Variants in LRRTM4 observed in about 807,000 individuals in gnomAD.
LRRTM4 encodes the protein leucine rich repeat transmembrane neuronal 4, also known as leucine-rich repeat transmembrane neuronal protein 4.
In LRRTM4, 25 loss-of-function variants were observed where a neutral mutation model predicts 47.6. That is an observed-to-expected ratio of 0.53 (90% CI 0.38 to 0.73). LRRTM4 has a LOEUF of 0.73. Ranked by LOEUF, LRRTM4 falls within the 30% of genes least tolerant of loss-of-function variation. The probability of loss-of-function intolerance (pLI) is 0.00; values close to 1 mark genes in which losing one functional copy is unlikely to be tolerated. For synonymous variants in LRRTM4, 311 were observed against 269.5 expected (o/e 1.15, Z -1.51); for missense variants, 638 against 713.4 (o/e 0.89, Z 1.20).
At chr2:77,011,704 T>C (rs1351925882) in intron 3 of LRRTM4, among the ~76,000 whole-genome samples, 1 of 152,092 alleles carries the variant, frequency 6.6e-6, no homozygotes, top group Non-Finnish European at 1.5e-5. Flanking sequence ...GAGGCATTCA[T>C]CCATGTGGTT....
chr2:77,466,182 A>G (rs1017464996), intron 3 of LRRTM4, among the ~76,000 whole-genome samples: 3 of 152,218 alleles, frequency 2.0e-5, no homozygotes, highest in African/African-American at 7.2e-5. Context: ...AACAAAGCTT[A>G]TCAGAAAGGG....
At chr2:77,511,767 T>C (rs1226016554) in intron 3 of LRRTM4, among the ~76,000 whole-genome samples, 1 of 152,110 alleles carries the variant, frequency 6.6e-6, no homozygotes, top group African/African-American at 2.4e-5. Context: ...ATTTTATTAA[T>C]ATGTATCAGC....
At chr2:77,344,924 C>T (rs1040297172) in intron 3 of LRRTM4, among the ~76,000 whole-genome samples, 3 of 151,378 alleles carry the variant, frequency 2.0e-5, no homozygotes, top group Admixed American at 6.6e-5. Flanking sequence ...TTTCTTTTCT[C>T]ATGCCCCAAA....
intron 3 of LRRTM4, among the ~76,000 whole-genome samples, chr2:77,015,057 T>G (rs1387790240): frequency 6.6e-6 from 1 of 152,136 alleles, no homozygotes; most frequent in Non-Finnish European, 1.5e-5. Flanking sequence ...GTAGCCTGGA[T>G]AATCAGGATG....
intron 3 of LRRTM4, among the ~76,000 whole-genome samples, chr2:77,464,872 C>G (rs1676924861): frequency 6.6e-6 from 1 of 152,136 alleles, no homozygotes; most frequent in Admixed American, 6.6e-5. Flanking sequence ...AACAAGCTAA[C>G]CAGGTGTGTG....
intron 3 of LRRTM4, among the ~76,000 whole-genome samples, chr2:77,421,355 A>AATG (rs756420433): frequency 2.6e-5 from 4 of 152,054 alleles, no homozygotes; most frequent in Admixed American, 6.6e-5. Context: ...GGTCATTGGC[A>AATG]ATGTCTTAGA....
intron 3 of LRRTM4, among the ~76,000 whole-genome samples, chr2:77,364,742 G>C (rs984524828): frequency 6.6e-6 from 1 of 151,994 alleles, no homozygotes; most frequent in Admixed American, 6.6e-5. Context: ...TTAATAGTAA[G>C]GGGGCATATA....
At chr2:77,348,658 G>C (rs1671654501) in intron 3 of LRRTM4, among the ~76,000 whole-genome samples, 1 of 150,092 alleles carries the variant, frequency 6.7e-6, no homozygotes, top group African/African-American at 2.4e-5. Context: ...ATAGCATTTT[G>C]CTTATATATA....
At chr2:76,917,727 C>A (rs966036551) in intron 3 of LRRTM4, among the ~76,000 whole-genome samples, 2 of 152,080 alleles carry the variant, frequency 1.3e-5, no homozygotes, top group East Asian at 3.9e-4. Context: ...CAATATGTCC[C>A]ACAAAGGACA....
At chr2:77,330,391 C>T (rs1012395387) in intron 3 of LRRTM4, among the ~76,000 whole-genome samples, 12 of 152,180 alleles carry the variant, frequency 7.9e-5, no homozygotes, top group Non-Finnish European at 1.8e-4. Flanking sequence ...TTCAATAGTG[C>T]TGATTGCAAT....
At chr2:76,908,946 C>T (rs1487165909) in intron 3 of LRRTM4, among the ~76,000 whole-genome samples, 2 of 152,136 alleles carry the variant, frequency 1.3e-5, no homozygotes, top group Non-Finnish European at 2.9e-5. Context: ...TCAATGCCAT[C>T]CCCATCAAGC....
chr2:76,834,165 C>A (rs1453353370), intron 3 of LRRTM4, among the ~76,000 whole-genome samples: 1 of 151,496 alleles, frequency 6.6e-6, no homozygotes, highest in Non-Finnish European at 1.5e-5. Flanking sequence ...CTCAGTCTCC[C>A]TAATGGCTGG....
chr2:77,378,713 G>C (rs188014202), intron 3 of LRRTM4, among the ~76,000 whole-genome samples: 1 of 152,096 alleles, frequency 6.6e-6, no homozygotes, highest in Non-Finnish European at 1.5e-5. Flanking sequence ...GGGTACACAT[G>C]GGGGGCTGTG....
At chr2:76,977,008 G>A (rs1392734297) in intron 3 of LRRTM4, among the ~76,000 whole-genome samples, 1 of 150,944 alleles carries the variant, frequency 6.6e-6, no homozygotes, top group African/African-American at 2.4e-5. Context: ...GCATTAATAG[G>A]CTGTGTGTGT....
At chr2:77,256,746 A>C (rs915439282) in intron 3 of LRRTM4, among the ~76,000 whole-genome samples, 2 of 152,046 alleles carry the variant, frequency 1.3e-5, no homozygotes, top group African/African-American at 4.8e-5. Flanking sequence ...TATCAGCAGA[A>C]TGAAAACAGA....
In LRRTM4 at chr2:76,798,878, G is replaced by A. The variant is rs1005701740; in HGVS notation, c.1552-49962C>T. Among the ~76,000 whole-genome samples, 414 of 152,188 alleles carry A rather than the reference G, an allele frequency of 2.7e-3. 2 individuals carry two copies. Among genetic ancestry groups the A allele is most frequent in the African/African-American group, 9.5e-3 (393 of 41,514 alleles). On this transcript the variant is annotated intron_variant, in intron 3 of 3. Coordinates refer to ENST00000409884, the MANE Select transcript of LRRTM4 (RefSeq NM_001134745.3). Reference sequence around the variant, plus strand: ...GAAATGGATACATTCGTGGACACATGCACTCTCCCAAGACTAAACCAGGAA... The same window carrying A: ...GAAATGGATACATTCGTGGACACATACACTCTCCCAAGACTAAACCAGGAA...
intron 3 of LRRTM4, among the ~76,000 whole-genome samples, chr2:77,142,115 A>G (rs754608661): frequency 4.6e-5 from 7 of 152,198 alleles, no homozygotes; most frequent in Non-Finnish European, 8.8e-5. Context: ...TGTAGGTTTT[A>G]TAGTTTAGCC....
At chr2:77,394,324 T>C (rs536502467) in intron 3 of LRRTM4, among the ~76,000 whole-genome samples, 40 of 152,184 alleles carry the variant, frequency 2.6e-4, no homozygotes, top group African/African-American at 9.4e-4. Flanking sequence ...TTTTCCCATG[T>C]CAGTGTTTTC....
At chr2:77,174,527 G>T (rs919309745) in intron 3 of LRRTM4, among the ~76,000 whole-genome samples, 9 of 152,250 alleles carry the variant, frequency 5.9e-5, no homozygotes, top group African/African-American at 2.2e-4. Flanking sequence ...TTGTTACATA[G>T]AATTGGCCAA....
Sources: gnomAD v4.1 joint callset for allele counts (sites outside exome capture counted in the v4.1 genomes callset) on GRCh38, gnomAD v4.1.1 for gene constraint, MANE v1.5 for transcripts, NCBI Gene and HGNC (gene_info 2026-07-23, HGNC 2026-07-21) for gene names.